The following SKOR2 variants were observed in gnomAD, a reference collection of about 807,000 sequenced individuals.
SKOR2 encodes SKI family transcriptional corepressor 2, also known as LBX1 corepressor 1-like protein.
A neutral mutation model predicts 69.1 loss-of-function variants in SKOR2; 47 were observed. The observed-to-expected ratio is 0.68, with a 90% confidence interval of 0.54 to 0.87. The LOEUF is 0.87. Among genes scored for constraint, SKOR2 ranks in the 40% least tolerant of loss-of-function variants. SKOR2 has a pLI of 0.00. For missense variants in SKOR2, 1,404 were observed against 1,472.2 expected (o/e 0.95, Z 0.76); for synonymous variants, 717 against 672.6 (o/e 1.07, Z -1.02).
chr18:47,243,615 G>T (rs760242355), intron 4 of SKOR2, among the ~76,000 whole-genome samples: 5 of 152,134 alleles, frequency 3.3e-5, no homozygotes, highest in Non-Finnish European at 5.9e-5. Flanking sequence ...TAGGGAGGAG[G>T]TAGTTCCTGG....
At position 47,222,260 on chromosome 18, in the gene SKOR2, G is replaced by A. The variant is rs149441240; in HGVS notation, c.2918-2250C>T. On this transcript the variant is annotated intron_variant, in intron 6 of 8. Transcript: ENST00000425639. ...TCACCTGGGAAGTCGAGGCTGCAGTGAGCTGAGATTGCACCACTGCACTCC... is the reference window on the plus strand; with the variant it reads ...TCACCTGGGAAGTCGAGGCTGCAGTAAGCTGAGATTGCACCACTGCACTCC... 4.5e-3 allele frequency among the ~76,000 whole-genome samples: 679 copies of A among 151,612 alleles called. 3 individuals carry two copies. Among genetic ancestry groups the A allele is most frequent in the Non-Finnish European group, 6.8e-3 (462 of 67,970 alleles).
chr18:47,209,330 C>T (rs771388704), intron 8 of SKOR2, among the ~76,000 whole-genome samples: 1 of 152,104 alleles, frequency 6.6e-6, no homozygotes, highest in African/African-American at 2.4e-5. Flanking sequence ...TGCATCAGTA[C>T]CTAATTTGGA....
chr18:47,221,160 T>A (rs1013955726), intron 6 of SKOR2, among the ~76,000 whole-genome samples: 2 of 152,248 alleles, frequency 1.3e-5, no homozygotes, highest in African/African-American at 4.8e-5. Flanking sequence ...TTGTTCTTTT[T>A]ATTTTTTTCA....
rs1398217 is a variant in SKOR2, at chr18:47,225,867, G to T, written c.2917+4592C>A. 1.9e-4 allele frequency among the ~76,000 whole-genome samples: 29 copies of T among 152,032 alleles called. No individual in the cohort carries two copies. The South Asian group carries it at 4.8e-3, about 25-fold the overall frequency. On this transcript the variant is annotated intron_variant, in intron 6 of 8. Coordinates refer to ENST00000425639, the MANE Select transcript of SKOR2 (RefSeq NM_001278063.4). ...AGCAGAAATAAGGGTGGAGAGGTTG[G>T]GGGAGGGGCACACAATTATGACAGG...
In SKOR2 at chr18:47,247,736, G is replaced by A. The variant is rs2064287556; in HGVS notation, c.1448C>T (p.Thr483Ile). Reference sequence around the variant, plus strand: ...CGGCTGAGGCGGGGGCTGCAGGTAGGTGGGCACCGGGAGCCCGCCAGGGGT... The same window carrying A: ...CGGCTGAGGCGGGGGCTGCAGGTAGATGGGCACCGGGAGCCCGCCAGGGGT... ...PRTPGGLPVP[T>I]YLQPPPQPPS... is the part of the protein sequence containing the mutation. Residue 483 changes from threonine (T) to isoleucine (I), a missense_variant, in exon 2 of 9, where the codon ACC becomes ATC. Physicochemically the swap from Thr to Ile is moderately conservative, Grantham distance 89. Coordinates refer to ENST00000425639, the MANE Select transcript of SKOR2 (RefSeq NM_001278063.4). This position sits in a 1 kb window ranked among gnomAD's most constrained non-coding sequence, Gnocchi z 6.6. The A allele has an allele frequency of 2.2e-6, 3 of 1,366,080 alleles. No homozygotes were observed. Among genetic ancestry groups the A allele is most frequent in the Non-Finnish European group, 2.8e-6 (3 of 1,070,518 alleles). 84.6% of individuals were successfully genotyped at this position (1,366,080 alleles called of 1,614,324 possible). A position where few individuals can be genotyped will look rare whatever the true frequency, so the allele number is the denominator to read the frequency against.
At chr18:47,227,946 A>G (rs1020882298) in intron 6 of SKOR2, among the ~76,000 whole-genome samples, 2 of 152,224 alleles carry the variant, frequency 1.3e-5, no homozygotes, top group Non-Finnish European at 2.9e-5. Flanking sequence ...GCCTAGGTCC[A>G]CAGTGCTCTA....
chr18:47,233,732 T>C (rs528520854), intron 4 of SKOR2, among the ~76,000 whole-genome samples: 3 of 152,360 alleles, frequency 2.0e-5, no homozygotes, highest in Admixed American at 6.5e-5. Flanking sequence ...GTATATTTTG[T>C]GGACTGTTTA....
intron 4 of SKOR2, among the ~76,000 whole-genome samples, chr18:47,243,975 G>A (rs1467134977): frequency 6.6e-6 from 1 of 152,100 alleles, no homozygotes; most frequent in Admixed American, 6.5e-5. Context: ...GGAAATATCT[G>A]ATGATATATA....
Position 47,248,099 on chromosome 18 carries a change from A to C in SKOR2, c.1085T>G (p.Val362Gly), listed in dbSNP as rs752069963. 3.7e-6 allele frequency: 5 copies of C among 1,351,846 alleles called. No homozygotes were observed. The highest frequency in any genetic ancestry group is 4.7e-6 in the Non-Finnish European group (5 of 1,056,026). The allele number at this position is 1,351,846 out of a possible 1,614,324, so 83.7% of individuals were successfully genotyped here. A position where few individuals can be genotyped will look rare whatever the true frequency, so the allele number is the denominator to read the frequency against. ...AGGGCVAGVGVGAGAGAGAGA... is the reference protein window; with the variant it reads ...AGGGCVAGVGGGAGAGAGAGA... ...GGCACCCGCCCCCGCGCCCGCGCCC[A>C]CGCCCACGCCGGCCACACAGCCACC... The change falls in exon 2 of 9, where the codon GTG (valine) becomes GGG (glycine). Residue 362 changes from valine to glycine, a missense_variant. By Grantham distance (109) the Val-to-Gly change is moderately radical. This residue lies in a region of SKOR2 where 1,266 missense variants were observed against 1,309.9 expected (regional missense o/e 0.97). Transcript: ENST00000425639. The surrounding 1 kb of genome is among the most constrained non-coding windows in gnomAD (Gnocchi z 6.4).
rs779584397 is a variant in SKOR2 at position 47,220,017 on chromosome 18, GGA to G, written c.2918-9_2918-8del. The G allele has an allele frequency of 2.6e-6, 4 of 1,533,150 alleles. No individual in the cohort carries two copies. The highest frequency in any genetic ancestry group is 4.9e-5 in the East Asian group (2 of 40,842). The allele number at this position is 1,533,150 out of a possible 1,614,324, so 95.0% of individuals were successfully genotyped here. ...ATCTGATCCTGAAAATTATCTGGTA[GGA>G]GAGAGAGATAGAGAAAGATTAACTA... On this transcript the variant is annotated splice_region_variant and splice_polypyrimidine_tract_variant and intron_variant, in intron 6 of 8. Transcript: ENST00000425639.
At chr18:47,223,731 C>T (rs1162840110) in intron 6 of SKOR2, among the ~76,000 whole-genome samples, 3 of 151,958 alleles carry the variant, frequency 2.0e-5, no homozygotes, top group Admixed American at 6.6e-5. Context: ...GCTGAAACTC[C>T]AAAATGTTAA....
intron 6 of SKOR2, among the ~76,000 whole-genome samples, chr18:47,227,382 G>T (rs1224021881): frequency 7.6e-5 from 10 of 131,770 alleles, no homozygotes; most frequent in African/African-American, 2.9e-4. Context: ...GTGTTGTCCA[G>T]GCTGGAGGGC....
intron 4 of SKOR2, among the ~76,000 whole-genome samples, chr18:47,236,071 A>G (rs367771339): frequency 1.4e-4 from 22 of 152,104 alleles, no homozygotes; most frequent in East Asian, 7.8e-4. Flanking sequence ...TGCAGCCTCA[A>G]CCTCCTGGGC....
At chr18:47,232,923 A>G (rs2064205614) in intron 4 of SKOR2, among the ~76,000 whole-genome samples, 2 of 152,182 alleles carry the variant, frequency 1.3e-5, no homozygotes, top group Non-Finnish European at 2.9e-5. Context: ...GGGAAACAGA[A>G]TTTCTCCCTG....
At chr18:47,231,761 T>G (rs930377800) in intron 4 of SKOR2, among the ~76,000 whole-genome samples, 5 of 151,212 alleles carry the variant, frequency 3.3e-5, no homozygotes, top group African/African-American at 1.2e-4. Flanking sequence ...AAGAATCACT[T>G]GAACCCGGGA....
chr18:47,207,937 G>A (rs1038824697), intron 8 of SKOR2, among the ~76,000 whole-genome samples: 1 of 152,180 alleles, frequency 6.6e-6, no homozygotes, highest in East Asian at 1.9e-4. Context: ...ATGCCCTTGG[G>A]TGTTACATGT....
At chr18:47,238,320 C>CTTTTTTTTTTT (rs772229985) in intron 4 of SKOR2, among the ~76,000 whole-genome samples, 13 of 108,064 alleles carry the variant, frequency 1.2e-4, no homozygotes, top group Non-Finnish European at 1.8e-4. Flanking sequence ...CTTTTCTTTT[C>CTTTTTTTTTTT]TTTTTTTTTT....
Position 47,247,539 on chromosome 18 carries a change from C to G in SKOR2, c.1645G>C (p.Gly549Arg), listed in dbSNP as rs913239603. 6.6e-5 allele frequency: 81 copies of G among 1,218,398 alleles called. No homozygotes were observed. The highest frequency in any genetic ancestry group is 7.9e-5 in the Non-Finnish European group (77 of 980,290). 75.5% of individuals were successfully genotyped at this position (1,218,398 alleles called of 1,614,324 possible). A position where few individuals can be genotyped will look rare whatever the true frequency, so the allele number is the denominator to read the frequency against. Residue 549 changes from glycine (G) to arginine (R), a missense_variant, in exon 2 of 9, where the codon GGG (glycine) becomes CGG (arginine). By Grantham distance (125) the Gly-to-Arg change is moderately radical. Coordinates refer to ENST00000425639, the MANE Select transcript of SKOR2 (RefSeq NM_001278063.4). The surrounding 1 kb of genome is among the most constrained non-coding windows in gnomAD (Gnocchi z 6.6). The stretch of plus-strand genomic sequence containing the variant: ...AGCGCGTCGCGAGAGCCGGCGCCCC[C>G]GGCAGGAGGAGGTGGGCCGGAGCCC... ...GPGSGPPPPAGGAGSRDALFE... is the reference protein window; with the variant it reads ...GPGSGPPPPARGAGSRDALFE...
chr18:47,236,936 A>G (rs1444677751), intron 4 of SKOR2, among the ~76,000 whole-genome samples: 1 of 152,170 alleles, frequency 6.6e-6, no homozygotes, highest in Non-Finnish European at 1.5e-5. Flanking sequence ...CTAGTGTTTT[A>G]CAATATTAGT....
Sources: allele counts gnomAD v4.1 joint callset (sites outside exome capture counted in the v4.1 genomes callset), GRCh38; gene constraint gnomAD v4.1.1; regional missense constraint gnomAD v4.1.1; non-coding constraint Gnocchi (gnomAD v3.1); transcripts MANE v1.5; gene names NCBI Gene and HGNC (gene_info 2026-07-23, HGNC 2026-07-21).